PTPRZ1: variants seen among roughly 807,000 people sequenced by gnomAD.
PTPRZ1 encodes receptor-type tyrosine-protein phosphatase zeta.
PTPRZ1 carries 82 observed loss-of-function variants against 214.1 expected under a neutral mutation model. That is an observed-to-expected ratio of 0.38 (90% confidence interval 0.32 to 0.46). PTPRZ1 has a LOEUF of 0.46. PTPRZ1 is among the 20% of genes least tolerant of loss of function. The pLI, the probability that PTPRZ1 is intolerant of heterozygous loss-of-function variation, is 1.00. For synonymous variants in PTPRZ1, 945 were observed against 987.9 expected, an observed-to-expected ratio of 0.96 and a Z score of 0.81; for missense variants, 2,603 against 2,748.7, an observed-to-expected ratio of 0.95 and a Z score of 1.19.
At chr7:122,028,713 GT>G in intron 14 of PTPRZ1, 70 bp downstream of exon 14, 2 of 1,223,538 alleles carry the variant, frequency 1.6e-6, no homozygotes, top group Non-Finnish European at 2.4e-6. Context: ...TGAAAGGTTT[GT>G]TTTTATCGGG....
intron 23 of PTPRZ1, among the ~76,000 whole-genome samples, chr7:122,046,833 C>A (rs1792001523): frequency 6.6e-6 from 1 of 151,956 alleles, no homozygotes; most frequent in South Asian, 2.1e-4. Context: ...AGAGGTCTGG[C>A]CTGAAGAAAT....
In PTPRZ1 at chr7:122,051,810, G is replaced by GTTGTTTTGTTTTGTTTTGTT. The variant is rs367945464; in HGVS notation, c.6179-43_6179-24dup. 18 of 1,410,152 alleles carry GTTGTTTTGTTTTGTTTTGTT rather than the reference G, an allele frequency of 1.3e-5. No homozygotes were observed. The African/African-American group carries it at 2.3e-4, about 18-fold the overall frequency. 87.4% of individuals were successfully genotyped at this position (1,410,152 alleles called of 1,614,324 possible). A position where few individuals can be genotyped will look rare whatever the true frequency, so the allele number is the denominator to read the frequency against. ...AGATGGTACAGTGCTGTGAGCATGA[G>GTTGTTTTGTTTTGTTTTGTT]TTGTTTTGTTTTGTTTTGTTTTGTT... On this transcript the variant is annotated intron_variant, in intron 24 of 29. Coordinates refer to ENST00000393386, the MANE Select transcript of PTPRZ1 (RefSeq NM_002851.3).
At chr7:121,950,162 CAGG>C (rs200633816) in intron 2 of PTPRZ1, among the ~76,000 whole-genome samples, 3,547 of 152,270 alleles carry the variant, frequency 0.023, 69 homozygotes, top group East Asian at 0.084. Flanking sequence ...AGAGCTTGTG[CAGG>C]AGAATGCCTG....
chr7:121,914,050 A>G (rs939831588), intron 1 of PTPRZ1, among the ~76,000 whole-genome samples: 1 of 152,214 alleles, frequency 6.6e-6, no homozygotes, highest in African/African-American at 2.4e-5. Flanking sequence ...GTGGTGGCTC[A>G]TGCCTCTGAT....
chr7:121,910,106 A>G (rs914828423), intron 1 of PTPRZ1, among the ~76,000 whole-genome samples: 1 of 152,172 alleles, frequency 6.6e-6, no homozygotes, highest in Non-Finnish European at 1.5e-5. Context: ...AGCTTCAGCC[A>G]TTCTGGCCTT....
chr7:122,012,026 G>A lies in PTPRZ1; in HGVS notation c.2980G>A (p.Gly994Arg). The A allele has an allele frequency of 1.2e-6, 2 of 1,614,216 alleles. No homozygotes were observed. Among genetic ancestry groups the A allele is most frequent in the South Asian group, 2.2e-5 (2 of 91,086 alleles). Residue 994 changes from glycine (G) to arginine (R), a missense_variant, in exon 12 of 30, where the codon GGG (glycine) becomes AGG (arginine). Physicochemically the swap from Gly to Arg is moderately radical, Grantham distance 125. Around this residue, in one of 6 missense-constraint regions of PTPRZ1, gnomAD observed 1,913 missense variants for 1,914.3 expected, o/e 1.00. Coordinates refer to ENST00000393386, the MANE Select transcript of PTPRZ1 (RefSeq NM_002851.3). ...LQPTHALSGD[G>R]EWSGASSDSE... ...GCCTACTCATGCCCTCTCTGGTGAT[G>A]GGGAATGGTCTGGAGCCTCTTCTGA...
At chr7:121,960,694 C>T (rs975735202) in intron 2 of PTPRZ1, among the ~76,000 whole-genome samples, 1 of 152,206 alleles carries the variant, frequency 6.6e-6, no homozygotes, top group Admixed American at 6.5e-5. Context: ...ACTTTTATTT[C>T]ATCTGCATAA....
chr7:121,991,469 G>A (rs146356939), intron 8 of PTPRZ1, among the ~76,000 whole-genome samples: 13 of 152,266 alleles, frequency 8.5e-5, no homozygotes, highest in Admixed American at 8.5e-4. Flanking sequence ...AGCATAAAGG[G>A]AGTGTCTTTG....
chr7:121,993,431 C>G (rs1429345096), intron 8 of PTPRZ1, among the ~76,000 whole-genome samples: 1 of 151,498 alleles, frequency 6.6e-6, no homozygotes, highest in South Asian at 2.1e-4. Context: ...AAAAAACAGC[C>G]GGGCATGGTG....
At chr7:121,994,285 A>ATTTTTTT (rs1269431586) in intron 8 of PTPRZ1, among the ~76,000 whole-genome samples, 2 of 49,890 alleles carry the variant, frequency 4.0e-5, no homozygotes, top group African/African-American at 6.5e-5. Context: ...AAATTAATGC[A>ATTTTTTT]TTTCTTTTTT....
chr7:121,925,970 C>T (rs1406120252), intron 1 of PTPRZ1, among the ~76,000 whole-genome samples: 4 of 151,962 alleles, frequency 2.6e-5, no homozygotes, highest in African/African-American at 9.7e-5. Context: ...TATAAAGTTA[C>T]CAAGTGGCTA....
Position 122,012,062 on chromosome 7 carries a change from C to A in PTPRZ1, c.3016C>A (p.Leu1006Ile), listed in dbSNP as rs11772668. 1.2e-6 allele frequency: 2 copies of A among 1,614,230 alleles called. No homozygotes were observed. The highest frequency in any genetic ancestry group is 1.1e-5 in the South Asian group (1 of 91,088). ...WSGASSDSEF[L>I]LPDTDGLTAL... ...TGGAGCCTCTTCTGATAGTGAATTT[C>A]TTTTACCTGACACAGATGGGCTGAC... Residue 1006 changes from leucine (L) to isoleucine (I), a missense_variant, in exon 12 of 30, where the codon CTT becomes ATT. This residue lies in a region of PTPRZ1 where 1,913 missense variants were observed against 1,914.3 expected (regional missense o/e 1.00). Coordinates refer to ENST00000393386, the MANE Select transcript of PTPRZ1 (RefSeq NM_002851.3).
chr7:121,972,335 C>T (rs569504063), intron 3 of PTPRZ1, among the ~76,000 whole-genome samples: 1 of 152,242 alleles, frequency 6.6e-6, no homozygotes, highest in South Asian at 2.1e-4. Context: ...TAGTCAATAT[C>T]TTCAGCTTAG....
At chr7:122,010,114 A>G (rs1049951746) in intron 11 of PTPRZ1, among the ~76,000 whole-genome samples, 1 of 152,156 alleles carries the variant, frequency 6.6e-6, no homozygotes, top group African/African-American at 2.4e-5. Flanking sequence ...CATTAAAATA[A>G]AGGCGGCCAT....
chr7:121,958,121 CGTTCACAGCAAACTGTTTTTAAAAA>C (rs755831306), intron 2 of PTPRZ1, among the ~76,000 whole-genome samples: 23 of 152,122 alleles, frequency 1.5e-4, no homozygotes, highest in Non-Finnish European at 3.1e-4. Flanking sequence ...ATCCTTCTTT[CGTTCACAGCAAACTGTTTTTAAAAA>C]GTGCTTTAAT....
intron 1 of PTPRZ1, among the ~76,000 whole-genome samples, chr7:121,884,403 A>T (rs987008825): frequency 1.3e-5 from 2 of 151,956 alleles, no homozygotes; most frequent in African/African-American, 2.4e-5. Flanking sequence ...ATATATATGC[A>T]TTTTTTTTCC....
intron 13 of PTPRZ1, among the ~76,000 whole-genome samples, chr7:122,024,174 A>C (rs1002704259): frequency 6.6e-6 from 1 of 152,056 alleles, no homozygotes; most frequent in Non-Finnish European, 1.5e-5. Context: ...TTTATGGTAT[A>C]ATTTACATGG....
chr7:121,935,781 G>C (rs1337302989), intron 2 of PTPRZ1, among the ~76,000 whole-genome samples: 1 of 152,040 alleles, frequency 6.6e-6, no homozygotes, highest in Admixed American at 6.6e-5. Flanking sequence ...TGTTAGCCAG[G>C]ATGGTCTCAA....
At chr7:122,008,644 G>C (rs1223884306) in intron 11 of PTPRZ1, among the ~76,000 whole-genome samples, 1 of 152,070 alleles carries the variant, frequency 6.6e-6, no homozygotes, top group Non-Finnish European at 1.5e-5. Context: ...CATCTGCTGA[G>C]AATGGGAGGA....
Sources: gnomAD v4.1 joint callset for allele counts (sites outside exome capture counted in the v4.1 genomes callset) on GRCh38, gnomAD v4.1.1 for gene constraint, gnomAD v4.1.1 regional missense constraint, MANE v1.5 for transcripts, NCBI Gene and HGNC (gene_info 2026-07-23, HGNC 2026-07-21) for gene names.